Variants in ANKRD17 observed in about 807,000 individuals in gnomAD.
The protein encoded by ANKRD17 is ankyrin repeat domain-containing protein 17.
Under a neutral mutation model 229.7 loss-of-function variants are expected in ANKRD17, and 19 were observed. The observed-to-expected ratio is 0.08, with a 90% CI of 0.06 to 0.12. ANKRD17 has a LOEUF of 0.12. Ranked by LOEUF, ANKRD17 falls within the 10% of genes least tolerant of loss-of-function variation. The probability of loss-of-function intolerance (pLI) is 1.00; values close to 1 mark genes in which losing one functional copy is unlikely to be tolerated. For missense variants in ANKRD17, 2,176 were observed against 3,176.8 expected (o/e 0.68, Z 7.57); for synonymous variants, 1,112 against 1,146.1 (o/e 0.97, Z 0.60).
chr4:73,249,708 G>T (rs1238877965), intron 1 of ANKRD17, among the ~76,000 whole-genome samples: 1 of 152,152 alleles, frequency 6.6e-6, no homozygotes, highest in East Asian at 1.9e-4. Flanking sequence ...ACAAAAATTA[G>T]CCGGGCGTGG....
intron 26 of ANKRD17, among the ~76,000 whole-genome samples, 158 bp from the exon 27 acceptor site, chr4:73,097,430 G>C (rs1323232818): frequency 2.1e-5 from 3 of 145,192 alleles, no homozygotes; most frequent in Non-Finnish European, 4.5e-5. Flanking sequence ...ATAATATAGA[G>C]AGCCTTTTTT....
intron 1 of ANKRD17, among the ~76,000 whole-genome samples, chr4:73,211,368 ATAAAGT>A (rs951090903): frequency 3.9e-5 from 6 of 152,202 alleles, no homozygotes; most frequent in African/African-American, 1.4e-4. Context: ...TGTTGTAAAG[ATAAAGT>A]TGAGTGGATA....
At chr4:73,123,381 A>G (rs1727008473) in intron 18 of ANKRD17, among the ~76,000 whole-genome samples, 1 of 152,086 alleles carries the variant, frequency 6.6e-6, no homozygotes, top group African/African-American at 2.4e-5. Flanking sequence ...TATTTGGCTT[A>G]TAATACTTTT....
chr4:73,236,194 T>C (rs1743494411), intron 1 of ANKRD17, among the ~76,000 whole-genome samples: 1 of 152,102 alleles, frequency 6.6e-6, no homozygotes, highest in South Asian at 2.1e-4. Context: ...TTTCACTCCA[T>C]CACCTAGACT....
At chr4:73,222,180 AAT>A (rs977979446) in intron 1 of ANKRD17, among the ~76,000 whole-genome samples, 4 of 152,186 alleles carry the variant, frequency 2.6e-5, no homozygotes, top group East Asian at 3.9e-4. Context: ...CACAGATAAG[AAT>A]ATGAGATTTA....
At chr4:73,192,605 GA>G (rs767087674) in intron 1 of ANKRD17, among the ~76,000 whole-genome samples, 47 of 151,748 alleles carry the variant, frequency 3.1e-4, no homozygotes, top group Non-Finnish European at 6.5e-4. Flanking sequence ...AACAATTAAT[GA>G]GAAAAAACAA....
intron 2 of ANKRD17, among the ~76,000 whole-genome samples, chr4:73,176,318 G>A (rs1221409524): frequency 6.6e-6 from 1 of 152,174 alleles, no homozygotes; most frequent in Non-Finnish European, 1.5e-5. Context: ...TGGAGAGGAT[G>A]TGGAGATAAG....
At chr4:73,145,942 T>C (rs768101375) in intron 10 of ANKRD17, among the ~76,000 whole-genome samples, 1 of 152,124 alleles carries the variant, frequency 6.6e-6, no homozygotes, top group Non-Finnish European at 1.5e-5. Context: ...TCATAAACTG[T>C]GAAGGAAAGA....
intron 24 of ANKRD17, among the ~76,000 whole-genome samples, chr4:73,108,953 GAGA>G (rs1479678955): frequency 1.3e-5 from 2 of 152,208 alleles, no homozygotes; most frequent in South Asian, 2.1e-4. Context: ...CAGTGCTGTT[GAGA>G]AGGAGAAACC....
At chr4:73,081,787 C>T (rs1447538637) in intron 30 of ANKRD17, among the ~76,000 whole-genome samples, 1 of 152,112 alleles carries the variant, frequency 6.6e-6, no homozygotes, top group East Asian at 1.9e-4. Context: ...GTAACTTCAC[C>T]ACAGTTTAGA....
At chr4:73,212,378 A>T (rs969601547) in intron 1 of ANKRD17, among the ~76,000 whole-genome samples, 2 of 152,230 alleles carry the variant, frequency 1.3e-5, no homozygotes, top group African/African-American at 4.8e-5. Context: ...CTAACACTTT[A>T]TAAAAGATAT....
Position 73,247,398 on chromosome 4 carries a change from T to G in ANKRD17, c.393+10878A>C, listed in dbSNP as rs116452894. Among the ~76,000 whole-genome samples, 936 of 152,112 alleles carry G rather than the reference T, an allele frequency of 6.2e-3. 11 individuals are homozygous for G. Among genetic ancestry groups the G allele is most frequent in the African/African-American group, 0.019 (781 of 41,532 alleles). On this transcript the variant is annotated intron_variant, in intron 1 of 33. Transcript: ENST00000358602. ...CCATCCCAAAGAAATAGTTTCATAC[T>G]CAAAAATAACTGTACAAGGATGTTC...
intron 1 of ANKRD17, among the ~76,000 whole-genome samples, chr4:73,225,638 C>A (rs1742383175): frequency 6.6e-6 from 1 of 151,982 alleles, no homozygotes; most frequent in African/African-American, 2.4e-5. Context: ...GCGGGCAGAT[C>A]ACCTGAGGTC....
chr4:73,123,080 T>G (rs1397524732), intron 18 of ANKRD17, among the ~76,000 whole-genome samples: 1 of 152,138 alleles, frequency 6.6e-6, no homozygotes, highest in Non-Finnish European at 1.5e-5. Flanking sequence ...ACAATTGTTA[T>G]AACCTAATCT....
intron 1 of ANKRD17, among the ~76,000 whole-genome samples, chr4:73,200,328 G>T (rs919920250): frequency 2.0e-5 from 3 of 152,030 alleles, no homozygotes; most frequent in African/African-American, 7.2e-5. Context: ...TTGTCATCGG[G>T]GTACATACTT....
chr4:73,230,948 C>G (rs1742986277), intron 1 of ANKRD17, among the ~76,000 whole-genome samples: 1 of 152,154 alleles, frequency 6.6e-6, no homozygotes, highest in Non-Finnish European at 1.5e-5. Context: ...AATCAACCCT[C>G]CCATTTGTCT....
At chr4:73,191,425 T>A (rs1737090457) in intron 1 of ANKRD17, among the ~76,000 whole-genome samples, 1 of 139,674 alleles carries the variant, frequency 7.2e-6, no homozygotes, top group African/African-American at 2.7e-5. Flanking sequence ...GAAACATAAA[T>A]AAAACTAAGT....
chr4:73,077,760 A>G (rs1414792119), intron 31 of ANKRD17, among the ~76,000 whole-genome samples: 1 of 152,222 alleles, frequency 6.6e-6, no homozygotes, highest in Non-Finnish European at 1.5e-5. Flanking sequence ...AAACCTAAGT[A>G]CAACCTAAAG....
intron 2 of ANKRD17, among the ~76,000 whole-genome samples, chr4:73,173,375 T>C (rs1054956528): frequency 6.6e-6 from 1 of 152,086 alleles, no homozygotes; most frequent in Non-Finnish European, 1.5e-5. Flanking sequence ...ACTTTCAGCA[T>C]TGGACAGATC....
Sources: gnomAD v4.1 joint callset for allele counts (sites outside exome capture counted in the v4.1 genomes callset) on GRCh38, gnomAD v4.1.1 for gene constraint, MANE v1.5 for transcripts, NCBI Gene and HGNC (gene_info 2026-07-23, HGNC 2026-07-21) for gene names.